The following ATG10 variants were observed in gnomAD, a reference collection of about 807,000 sequenced individuals.
ATG10 encodes autophagy related 10.
ATG10 carries 30 observed loss-of-function variants against 32.1 expected under a neutral mutation model. The observed-to-expected ratio is 0.94, with a 90% confidence interval of 0.70 to 1.27. ATG10 has a LOEUF of 1.27. ATG10 is among the 50% of genes most tolerant of loss of function. The pLI, the probability that ATG10 is intolerant of heterozygous loss-of-function variation, is 0.00. For synonymous variants in ATG10, 87 were observed against 91.5 expected (o/e 0.95, Z 0.28); for missense variants, 233 against 262.3 (o/e 0.89, Z 0.77).
intron 2 of ATG10, among the ~76,000 whole-genome samples, chr5:81,989,817 C>T (rs1761405040): frequency 6.6e-6 from 1 of 151,948 alleles, no homozygotes; most frequent in African/African-American, 2.4e-5. Flanking sequence ...GTCTCGATCT[C>T]CTGACCTTGT....
chr5:82,177,282 G>A (rs962612598), intron 4 of ATG10, among the ~76,000 whole-genome samples: 1 of 152,098 alleles, frequency 6.6e-6, no homozygotes, highest in African/African-American at 2.4e-5. Flanking sequence ...GCCAACACCA[G>A]GATTTAAAAC....
intron 3 of ATG10, among the ~76,000 whole-genome samples, chr5:82,065,207 C>T (rs897165046): frequency 6.6e-5 from 10 of 152,126 alleles, no homozygotes; most frequent in Admixed American, 4.6e-4. Context: ...AATATAGGGC[C>T]GGGCGCAGTG....
chr5:81,993,882 G>C (rs936130549), intron 2 of ATG10, among the ~76,000 whole-genome samples: 1 of 152,172 alleles, frequency 6.6e-6, no homozygotes, highest in African/African-American at 2.4e-5. Context: ...CAAATACACT[G>C]TACTGGTTGA....
intron 3 of ATG10, among the ~76,000 whole-genome samples, chr5:82,143,901 T>C (rs527590191): frequency 3.9e-5 from 6 of 152,352 alleles, no homozygotes; most frequent in East Asian, 1.9e-4. Flanking sequence ...AGATTTTGTA[T>C]AGAATTGGTA....
At chr5:82,157,773 A>G (rs1317765424) in intron 3 of ATG10, among the ~76,000 whole-genome samples, 2 of 152,178 alleles carry the variant, frequency 1.3e-5, no homozygotes. Context: ...TTCCATTGTG[A>G]TGAGATGGTT....
At chr5:82,037,239 T>TA (rs1561266875) in intron 2 of ATG10, among the ~76,000 whole-genome samples, 1 of 43,816 alleles carries the variant, frequency 2.3e-5, no homozygotes, top group Non-Finnish European at 4.3e-5. Flanking sequence ...ATTTACTTTT[T>TA]TTTTTTTTTT....
Position 81,997,041 on chromosome 5 carries a change from T to C in ATG10, c.108+9363T>C, listed in dbSNP as rs562301090. On this transcript the variant is annotated intron_variant, in intron 2 of 7. Transcript: ENST00000282185. ...ACCAGTGCTGGTGCACACACACACA[T>C]GGATGCCAGTGACCCTACCCCCTCA... 1.2e-3 allele frequency among the ~76,000 whole-genome samples: 175 copies of C among 152,136 alleles called. 2 individuals are homozygous for C. The highest frequency in any genetic ancestry group is 2.3e-3 in the Admixed American group (35 of 15,288).
intron 2 of ATG10, among the ~76,000 whole-genome samples, chr5:82,043,961 T>A (rs1396936292): frequency 1.3e-5 from 2 of 152,058 alleles, no homozygotes; most frequent in African/African-American, 4.8e-5. Flanking sequence ...CTGCTTGTTA[T>A]TCAGTTCCAA....
At chr5:82,095,108 A>G (rs1171030751) in intron 3 of ATG10, among the ~76,000 whole-genome samples, 1 of 152,164 alleles carries the variant, frequency 6.6e-6, no homozygotes, top group Non-Finnish European at 1.5e-5. Flanking sequence ...CATTTTTAAA[A>G]TGAAGATAAC....
Position 82,146,530 on chromosome 5 carries a change from G to A in ATG10, c.217-17869G>A, listed in dbSNP as rs1767365701. 2.7e-5 allele frequency among the ~76,000 whole-genome samples: 4 copies of A among 150,580 alleles called. No homozygotes were observed. In the East Asian group the frequency reaches 7.7e-4, roughly 29 times the overall value. On this transcript the variant is annotated intron_variant, in intron 3 of 7. Transcript: ENST00000282185. ...ATTTTTCTGCCTTATTCTCTAAACT[G>A]TTCTTCTAGGACTCCAGTTGTCTAT...
At chr5:82,059,243 T>G (rs1442197865) in intron 3 of ATG10, among the ~76,000 whole-genome samples, 1 of 152,040 alleles carries the variant, frequency 6.6e-6, no homozygotes, top group Non-Finnish European at 1.5e-5. Flanking sequence ...CTTATTGTAT[T>G]TCTTGTGAAA....
chr5:82,121,570 C>T (rs1316833519), intron 3 of ATG10, among the ~76,000 whole-genome samples: 3 of 152,114 alleles, frequency 2.0e-5, no homozygotes, highest in African/African-American at 7.2e-5. Context: ...CAGCTTTTGC[C>T]CATTCAGTAT....
intron 3 of ATG10, among the ~76,000 whole-genome samples, chr5:82,090,937 T>G (rs324912): frequency 0.24 from 35,831 of 152,108 alleles, 4,525 homozygotes; most frequent in South Asian, 0.36. Context: ...TTAGGAAAAT[T>G]TCCCTCCTTC....
At chr5:82,177,466 G>A (rs1432547053) in intron 4 of ATG10, among the ~76,000 whole-genome samples, 2 of 152,106 alleles carry the variant, frequency 1.3e-5, no homozygotes, top group Non-Finnish European at 2.9e-5. Context: ...ATATTGCTAT[G>A]TGAAATATCT....
chr5:82,032,213 G>A (rs2149716615), intron 2 of ATG10, among the ~76,000 whole-genome samples: 1 of 152,268 alleles, frequency 6.6e-6, no homozygotes, highest in South Asian at 2.1e-4. Flanking sequence ...TGATAGATAT[G>A]GTTTTTGATT....
intron 3 of ATG10, chr5:82,147,711 C>T (rs888300613): frequency 2.0e-5 from 3 of 152,216 alleles, no homozygotes; most frequent in Admixed American, 1.3e-4. Flanking sequence ...TGGGGTTGTC[C>T]TCTTCTGGCT....
chr5:82,123,922 C>T (rs1766146697), intron 3 of ATG10, among the ~76,000 whole-genome samples: 1 of 151,854 alleles, frequency 6.6e-6, no homozygotes, highest in East Asian at 1.9e-4. Flanking sequence ...GGTGACAGAG[C>T]AAGACCCTGT....
At chr5:82,206,577 G>A (rs968336546) in intron 5 of ATG10, among the ~76,000 whole-genome samples, 3 of 151,488 alleles carry the variant, frequency 2.0e-5, no homozygotes, top group Non-Finnish European at 4.4e-5. Flanking sequence ...TTGAACCTGC[G>A]AGGCGGAGGT....
intron 3 of ATG10, among the ~76,000 whole-genome samples, chr5:82,131,224 T>G (rs1766507075): frequency 6.6e-6 from 1 of 152,086 alleles, no homozygotes; most frequent in South Asian, 2.1e-4. Flanking sequence ...AGTTGAAAAT[T>G]TTTGAAAGAA....
Sources: allele counts gnomAD v4.1 joint callset (sites outside exome capture counted in the v4.1 genomes callset), GRCh38; gene constraint gnomAD v4.1.1; transcripts MANE v1.5; gene names NCBI Gene and HGNC (gene_info 2026-07-23, HGNC 2026-07-21).